Variants in SLC12A6 observed in about 807,000 individuals in gnomAD.
The protein encoded by SLC12A6 is K-Cl cotransporter 3.
A neutral mutation model predicts 135.3 loss-of-function variants in SLC12A6; 66 were observed. The ratio of observed to expected loss-of-function variants is 0.49; its 90% CI spans 0.40 to 0.60. The LOEUF is 0.60. Ranked by LOEUF, SLC12A6 falls within the 20% of genes least tolerant of loss-of-function variation. The pLI is 0.00. For synonymous variants in SLC12A6, 513 were observed against 508.8 expected (o/e 1.01, Z -0.11); for missense variants, 1,058 against 1,452.3 (o/e 0.73, Z 4.41).
chr15:34,336,417 GAC>G lies in SLC12A6; in HGVS notation c.262_263del (p.Val88HisfsTer22). The G allele has an allele frequency of 6.2e-7, 1 of 1,613,516 alleles. No individual in the cohort carries two copies. Among genetic ancestry groups the G allele is most frequent in the Non-Finnish European group, 8.5e-7 (1 of 1,179,436 alleles). On this transcript the variant is annotated frameshift_variant, in exon 2 of 26. Transcript: ENST00000354181. LOFTEE classifies it high-confidence loss of function. Reference sequence around the variant, plus strand: ...GTCTGTGTTTCTACTTACCCTCGATGACATCCTGGGGGTGAGAAGTCCGGTCA... The same window carrying G: ...GTCTGTGTTTCTACTTACCCTCGATGATCCTGGGGGTGAGAAGTCCGGTCA... ...PSDRTSHPQDVIEDLSQNSIT... is the reference protein window; with the variant it reads ...PSDRTSHPQDXIEDLSQNSIT...
At chr15:34,329,519 G>T (rs191819106) in intron 2 of SLC12A6, among the ~76,000 whole-genome samples, 3 of 151,948 alleles carry the variant, frequency 2.0e-5, no homozygotes, top group East Asian at 3.9e-4. Flanking sequence ...AAATTTATGA[G>T]AATCTGGAAT....
At chr15:34,279,839 C>CTA (rs1306157609) in intron 2 of SLC12A6, among the ~76,000 whole-genome samples, 1 of 152,138 alleles carries the variant, frequency 6.6e-6, no homozygotes, top group Admixed American at 6.5e-5. Flanking sequence ...TAGAAACAAA[C>CTA]TATATACCTA....
rs372304098 is a variant in SLC12A6, at chr15:34,272,794, T to C, written c.316+2551A>G. On this transcript the variant is annotated intron_variant, in intron 3 of 25. Transcript: ENST00000354181. Reference sequence around the variant, plus strand: ...AAATCCAGCTTAGTAATACTAGAACTGTATCAACTTTTGACTGTCCATTTC... The same window carrying C: ...AAATCCAGCTTAGTAATACTAGAACCGTATCAACTTTTGACTGTCCATTTC... Among the ~76,000 whole-genome samples, 16 of 152,364 alleles carry C rather than the reference T, an allele frequency of 1.1e-4. No homozygotes were observed. In the East Asian group the frequency reaches 2.9e-3, roughly 28 times the overall value.
chr15:34,273,947 C>G (rs1834381881), intron 3 of SLC12A6, among the ~76,000 whole-genome samples: 1 of 151,700 alleles, frequency 6.6e-6, no homozygotes. Flanking sequence ...GCTGATGTAT[C>G]TTTTTAAACA....
intron 2 of SLC12A6, among the ~76,000 whole-genome samples, chr15:34,318,342 T>C (rs1255670123): frequency 1.3e-5 from 2 of 152,214 alleles, no homozygotes; most frequent in Non-Finnish European, 1.5e-5. Flanking sequence ...CACCTGTTGG[T>C]AATGAACACA....
chr15:34,239,179 C>T lies in SLC12A6; in HGVS notation c.2437-19G>A, dbSNP rs781388225. Reference sequence around the variant, plus strand: ...TTATGGTCTGAAAGAGACACAGGACCGCAACACTGAACTGGTTCACTCTGG... The same window carrying T: ...TTATGGTCTGAAAGAGACACAGGACTGCAACACTGAACTGGTTCACTCTGG... On this transcript the variant is annotated intron_variant, in intron 19 of 25. Coordinates refer to ENST00000354181, the MANE Select transcript of SLC12A6 (RefSeq NM_001365088.1). 31 of 1,564,370 alleles carry T rather than the reference C, an allele frequency of 2.0e-5. No homozygotes were observed. The highest frequency in any genetic ancestry group is 6.7e-5 in the Admixed American group (4 of 59,936).
At chr15:34,269,699 T>C (rs968870459) in intron 3 of SLC12A6, among the ~76,000 whole-genome samples, 1 of 152,238 alleles carries the variant, frequency 6.6e-6, no homozygotes, top group Non-Finnish European at 1.5e-5. Context: ...ATGGCATCCA[T>C]GTGATGCTGT....
intron 2 of SLC12A6, among the ~76,000 whole-genome samples, chr15:34,288,062 T>C (rs1207858936): frequency 2.0e-5 from 3 of 152,260 alleles, no homozygotes; most frequent in East Asian, 1.9e-4. Flanking sequence ...TATGCCTGTG[T>C]CCTGAATGGT....
rs147521257 is a variant in SLC12A6, at chr15:34,252,329, T to C, written c.1174A>G (p.Lys392Glu). 7 of 1,613,316 alleles carry C rather than the reference T, an allele frequency of 4.3e-6. No homozygotes were observed. The African/African-American group carries it at 8.0e-5, about 18-fold the overall frequency. Residue 392 changes from lysine (K) to glutamate (E), a missense_variant, in exon 10 of 26, where the codon AAG (lysine) becomes GAG (glutamate). Coordinates refer to ENST00000354181, the MANE Select transcript of SLC12A6 (RefSeq NM_001365088.1). ...GTCATGTTGTTAATTTCCTTGGTCT[T>C]AGAGCAAACGTCAATGTGTCTTGAT... is the stretch of plus-strand genomic sequence containing the variant. ...LSSRHIDVCS[K>E]TKEINNMTVP...
intron 2 of SLC12A6, among the ~76,000 whole-genome samples, chr15:34,308,656 AC>A (rs1887928911): frequency 7.4e-5 from 11 of 148,162 alleles, no homozygotes; most frequent in African/African-American, 2.7e-4. Flanking sequence ...AAAAAAACAA[AC>A]CAGATTGTTG....
intron 2 of SLC12A6, among the ~76,000 whole-genome samples, chr15:34,316,408 A>G (rs1888655547): frequency 6.6e-6 from 1 of 152,318 alleles, no homozygotes; most frequent in African/African-American, 2.4e-5. Context: ...TAAAAAAACA[A>G]ATAACTTTTA....
At position 34,234,877 on chromosome 15, in the gene SLC12A6, A is replaced by G. The variant is rs184586865; in HGVS notation, c.3361+304T>C. 1.1e-4 allele frequency among the ~76,000 whole-genome samples: 16 copies of G among 152,332 alleles called. No homozygotes were observed. The East Asian group carries it at 3.1e-3, about 29-fold the overall frequency. The stretch of plus-strand genomic sequence containing the variant: ...AGGCTTTGCAAAGCGGGTAGAACCT[A>G]AAAAGGCGAAAGGATGTGGGTATGC... On this transcript the variant is annotated intron_variant, in intron 25 of 25. Coordinates refer to ENST00000354181, the MANE Select transcript of SLC12A6 (RefSeq NM_001365088.1).
At chr15:34,286,121 TGGAGTGTGG>T (rs1258226242) in intron 2 of SLC12A6, among the ~76,000 whole-genome samples, 10 of 152,088 alleles carry the variant, frequency 6.6e-5, no homozygotes, top group Non-Finnish European at 1.2e-4. Context: ...ACACCCAGGC[TGGAGTGTGG>T]TAGCACGATC....
At position 34,337,776 on chromosome 15, in the gene SLC12A6, G is replaced by GTTGTTGTT; in HGVS notation, c.-518_-517insAACAACAA. ...GCGCGCAGCTGTTGTTTACTAGCCG[G>GTTGTTGTT]TAACTGTTTCAGAGCCGCGGCGCGC... On this transcript the variant is annotated 5_prime_UTR_variant, in exon 1 of 26. Transcript: ENST00000354181. The GTTGTTGTT allele has an allele frequency of 6.6e-6, 1 of 152,234 alleles. No individual in the cohort carries two copies. Among genetic ancestry groups the GTTGTTGTT allele is most frequent in the East Asian group, 1.9e-4 (1 of 5,172 alleles). The allele number at this position is 152,234 out of a possible 1,614,324, so 9.4% of individuals were successfully genotyped here.
At chr15:34,323,314 ATGGTCCCCAACCCCTGGGCCATGGAC>A (rs1356154935) in intron 2 of SLC12A6, among the ~76,000 whole-genome samples, 2 of 152,124 alleles carry the variant, frequency 1.3e-5, no homozygotes, top group African/African-American at 4.8e-5. Flanking sequence ...ATTTAAAACA[ATGGTCCCCAACCCCTGGGCCATGGAC>A]TGGTACTGGT....
intron 24 of SLC12A6, 97 bp from the exon 25 acceptor site, chr15:34,235,411 A>G (rs1004035679): frequency 3.7e-6 from 3 of 803,592 alleles, no homozygotes; most frequent in Middle Eastern, 2.6e-4. Context: ...TCACTTGACT[A>G]TGGATAATCT....
At chr15:34,237,094 GT>G (rs999716906) in intron 22 of SLC12A6, 4 of 471,754 alleles carry the variant, frequency 8.5e-6, no homozygotes, top group African/African-American at 2.0e-5. Flanking sequence ...ATACTGTTAG[GT>G]TTTTTTTAAA....
chr15:34,257,935 T>A (rs1892865085), intron 5 of SLC12A6, 147 bp from the exon 6 acceptor site: 1 of 632,400 alleles, frequency 1.6e-6, no homozygotes, highest in East Asian at 2.8e-5. Flanking sequence ...AGGGCACATA[T>A]AAAATCTCCA....
At chr15:34,259,830 T>C (rs1892991360) in intron 4 of SLC12A6, among the ~76,000 whole-genome samples, 1 of 152,154 alleles carries the variant, frequency 6.6e-6, no homozygotes, top group Non-Finnish European at 1.5e-5. Context: ...TTAAGTGAAA[T>C]AAGCCAGGCA....
Sources: allele counts gnomAD v4.1 joint callset (sites outside exome capture counted in the v4.1 genomes callset), GRCh38; gene constraint gnomAD v4.1.1; transcripts MANE v1.5; gene names NCBI Gene and HGNC (gene_info 2026-07-23, HGNC 2026-07-21).